Variants in ASIP observed in about 807,000 individuals in gnomAD.
ASIP encodes the protein agouti-signaling protein.
Under a neutral mutation model 10.3 loss-of-function variants are expected in ASIP, and 11 were observed. The observed-to-expected ratio is 1.07, with a 90% CI of 0.68 to 1.78. The LOEUF is 1.78. ASIP is among the 40% of genes most tolerant of loss of function. ASIP has a pLI of 0.00. For missense variants in ASIP, 180 were observed against 169.2 expected (o/e 1.06, Z -0.35); for synonymous variants, 70 against 70.8 (o/e 0.99, Z 0.06).
intron 1 of ASIP, among the ~76,000 whole-genome samples, chr20:34,245,004 TAA>T (rs1382235296): frequency 6.6e-6 from 1 of 152,048 alleles, no homozygotes; most frequent in African/African-American, 2.4e-5. Context: ...ATGCTCCACA[TAA>T]AAAGTCTACC....
chr20:34,269,046 G>A lies in ASIP; in HGVS notation c.278G>A (p.Cys93Tyr). The A allele has an allele frequency of 6.2e-7, 1 of 1,604,854 alleles. No individual in the cohort carries two copies. Among genetic ancestry groups the A allele is most frequent in the Non-Finnish European group, 8.5e-7 (1 of 1,176,544 alleles). Residue 93 changes from cysteine (C) to tyrosine (Y), a missense_variant, in exon 4 of 4, where the codon TGC (cysteine) becomes TAC (tyrosine). Cys to Tyr is a radical substitution (Grantham distance 194). Coordinates refer to ENST00000374954, the MANE Select transcript of ASIP (RefSeq NM_001672.3). The stretch of plus-strand genomic sequence containing the variant: ...CCCCGGACCCCCCTATCTGCGCCCT[G>A]CGTGGCCACCCGCAACAGCTGCAAG... ...VRPRTPLSAP[C>Y]VATRNSCKPP...
intron 1 of ASIP, among the ~76,000 whole-genome samples, chr20:34,202,875 C>A (rs2034909594): frequency 1.6e-5 from 2 of 127,128 alleles, no homozygotes; most frequent in Admixed American, 1.9e-4. Context: ...GCGGCATGAT[C>A]TCGGCTCACT....
chr20:34,203,522 C>G (rs2034914481), intron 1 of ASIP, among the ~76,000 whole-genome samples: 1 of 151,938 alleles, frequency 6.6e-6, no homozygotes, highest in African/African-American at 2.4e-5. Flanking sequence ...CTCAGCCTCC[C>G]AAGGAGCTGG....
At chr20:34,265,348 C>T (rs552846248) in intron 3 of ASIP, among the ~76,000 whole-genome samples, 2 of 151,960 alleles carry the variant, frequency 1.3e-5, no homozygotes, top group East Asian at 3.9e-4. Flanking sequence ...CATGATGAAA[C>T]CTCATCTCTA....
chr20:34,260,648 T>G, intron 2 of ASIP, 114 bp downstream of exon 2: 3 of 1,213,920 alleles, frequency 2.5e-6, no homozygotes, highest in Non-Finnish European at 3.4e-6. Context: ...TTCTTGCTCG[T>G]TCCAGGAAAT....
At chr20:34,210,309 G>A (rs568559449) in intron 1 of ASIP, among the ~76,000 whole-genome samples, 2 of 152,344 alleles carry the variant, frequency 1.3e-5, no homozygotes, top group East Asian at 1.9e-4. Context: ...CTATGACTCC[G>A]TCTTTGGGGC....
chr20:34,254,047 GTTTT>G (rs1222027550), intron 1 of ASIP, among the ~76,000 whole-genome samples: 1 of 151,672 alleles, frequency 6.6e-6, no homozygotes, highest in Non-Finnish European at 1.5e-5. Context: ...TTATTGTCCT[GTTTT>G]TTTGTTTTGT....
rs768122549 is a variant in ASIP at position 34,260,386 on chromosome 20, C to T, written c.12C>T (p.Thr4=). Residue 4 remains threonine (T), a synonymous_variant, in exon 2 of 4, where the codon ACC becomes ACT. Coordinates refer to ENST00000374954, the MANE Select transcript of ASIP (RefSeq NM_001672.3). Reference sequence around the variant, plus strand: ...TCAGGCCTCCTGGGATGGATGTCACCCGCTTACTCCTGGCCACCCTGCTGG... The same window carrying T: ...TCAGGCCTCCTGGGATGGATGTCACTCGCTTACTCCTGGCCACCCTGCTGG... MDV[T]RLLLATLLVF... is the part of the protein sequence containing the mutation. 6.2e-7 allele frequency: 1 copy of T among 1,613,532 alleles called. No individual in the cohort carries two copies. Among genetic ancestry groups the T allele is most frequent in the African/African-American group, 1.3e-5 (1 of 74,912 alleles).
At chr20:34,259,074 T>C (rs1250055320) in intron 1 of ASIP, among the ~76,000 whole-genome samples, 2 of 150,360 alleles carry the variant, frequency 1.3e-5, no homozygotes, top group Non-Finnish European at 3.0e-5. Flanking sequence ...GCCAGGTGTG[T>C]TTGCACATGC....
At position 34,205,685 on chromosome 20, in the gene ASIP, C is replaced by T. The variant is rs141591638; in HGVS notation, c.-11+10925C>T. On this transcript the variant is annotated intron_variant, in intron 1 of 3. Coordinates refer to the ASIP transcript ENST00000568305. Reference sequence around the variant, plus strand: ...GCGCTGATTTCTCCATTTTACAGAGCGCTGATTTTGCCGTTTTACAGAGTG... The same window carrying T: ...GCGCTGATTTCTCCATTTTACAGAGTGCTGATTTTGCCGTTTTACAGAGTG... Among the ~76,000 whole-genome samples the T allele has an allele frequency of 2.4e-3, 348 of 143,116 alleles. 7 individuals carry two copies. The highest frequency in any genetic ancestry group is 9.8e-3 in the African/African-American group (329 of 33,532). The allele number at this position is 143,116 out of a possible 152,430, so 93.9% of individuals were successfully genotyped here. A position where few individuals can be genotyped will look rare whatever the true frequency, so the allele number is the denominator to read the frequency against.
intron 1 of ASIP, among the ~76,000 whole-genome samples, chr20:34,197,455 C>T (rs1419648923): frequency 6.6e-6 from 1 of 152,198 alleles, no homozygotes; most frequent in East Asian, 1.9e-4. Context: ...CAAGTGCCTT[C>T]AGGACTTGTT....
intron 1 of ASIP, among the ~76,000 whole-genome samples, chr20:34,234,682 A>T (rs1568755028): frequency 1.3e-5 from 2 of 151,948 alleles, no homozygotes; most frequent in Non-Finnish European, 2.9e-5. Flanking sequence ...GGCGCCTATA[A>T]TCCCAGCTAC....
upstream of ASIP, among the ~76,000 whole-genome samples, chr20:34,193,214 T>C (rs1002904067): frequency 6.6e-6 from 1 of 152,224 alleles, no homozygotes; most frequent in African/African-American, 2.4e-5. Context: ...CACCTCCCCC[T>C]GTGAGGAGCT....
At chr20:34,188,374 C>T in the ASIP span, among the ~76,000 whole-genome samples, 4 of 152,058 alleles carry the variant, frequency 2.6e-5, no homozygotes, top group Admixed American at 6.6e-5. Flanking sequence ...TGACTTTAGG[C>T]GGTAGATGGA....
At chr20:34,257,280 G>T (rs529919528) in intron 1 of ASIP, among the ~76,000 whole-genome samples, 10 of 151,694 alleles carry the variant, frequency 6.6e-5, no homozygotes, top group African/African-American at 9.7e-5. Flanking sequence ...TAGTAGAAAC[G>T]GGGTTTCACC....
In ASIP at chr20:34,265,128, A is replaced by G. The variant is rs926571940; in HGVS notation, c.222+2235A>G. Among the ~76,000 whole-genome samples the G allele has an allele frequency of 3.3e-5, 5 of 152,212 alleles. No homozygotes were observed. The South Asian group carries it at 1.0e-3, about 32-fold the overall frequency. On this transcript the variant is annotated intron_variant, in intron 3 of 3. Coordinates refer to ENST00000374954, the MANE Select transcript of ASIP (RefSeq NM_001672.3). ...TGATTATAAGAGTACAGTATATAAT[A>G]CATATAACATAAAAAGATGTTAATC...
intron 1 of ASIP, among the ~76,000 whole-genome samples, chr20:34,201,016 C>T (rs2034892186): frequency 3.5e-5 from 3 of 85,992 alleles, no homozygotes; most frequent in African/African-American, 2.2e-4. Flanking sequence ...TTCCTTCCTT[C>T]CTTCTTTCTT....
chr20:34,268,954 G>A (rs201107532), intron 3 of ASIP, 37 bp from the exon 4 acceptor site: 32 of 1,567,552 alleles, frequency 2.0e-5, no homozygotes, highest in Non-Finnish European at 2.3e-5. Flanking sequence ...AGGGGTGGGC[G>A]TGGCCGGCTC....
chr20:34,212,789 A>G (rs1250061718), intron 1 of ASIP, among the ~76,000 whole-genome samples: 2 of 152,174 alleles, frequency 1.3e-5, no homozygotes, highest in Non-Finnish European at 2.9e-5. Flanking sequence ...CTCCATTGAG[A>G]TATTTCCATT....
Sources: gnomAD v4.1 joint callset for allele counts (sites outside exome capture counted in the v4.1 genomes callset) on GRCh38, gnomAD v4.1.1 for gene constraint, MANE v1.5 for transcripts, NCBI Gene and HGNC (gene_info 2026-07-23, HGNC 2026-07-21) for gene names.